The following UBE2E2 variants were observed in gnomAD, a reference collection of about 807,000 sequenced individuals.
The protein encoded by UBE2E2 is ubiquitin conjugating enzyme E2 E2.
Under a neutral mutation model 24.7 loss-of-function variants are expected in UBE2E2, and 6 were observed. The observed-to-expected ratio is 0.24, with a 90% confidence interval of 0.13 to 0.48. The LOEUF (loss-of-function observed/expected upper bound fraction) is 0.48. UBE2E2 is among the 20% of genes least tolerant of loss of function. The pLI, the probability that UBE2E2 is intolerant of heterozygous loss-of-function variation, is 0.99. For missense variants in UBE2E2, 169 were observed against 245.0 expected (o/e 0.69, Z 2.07); for synonymous variants, 104 against 83.6 (o/e 1.24, Z -1.33).
chr3:23,342,220 T>C (rs1695411514), intron 3 of UBE2E2, among the ~76,000 whole-genome samples: 1 of 151,974 alleles, frequency 6.6e-6, no homozygotes. Flanking sequence ...GGTCTTGTTT[T>C]GTTGCCCAGG....
intron 4 of UBE2E2, among the ~76,000 whole-genome samples, chr3:23,507,401 C>G (rs963852689): frequency 2.0e-5 from 3 of 152,214 alleles, no homozygotes; most frequent in African/African-American, 4.8e-5. Context: ...TCAATGAACA[C>G]AGAAACTTTG....
At chr3:23,429,835 A>G (rs1296196206) in intron 3 of UBE2E2, among the ~76,000 whole-genome samples, 1 of 152,230 alleles carries the variant, frequency 6.6e-6, no homozygotes, top group Admixed American at 6.5e-5. Flanking sequence ...AGTATACAAG[A>G]TTAATATACA....
chr3:23,226,746 C>G (rs531787189), intron 3 of UBE2E2, among the ~76,000 whole-genome samples: 1 of 152,040 alleles, frequency 6.6e-6, no homozygotes, highest in Non-Finnish European at 1.5e-5. Context: ...TTTGTTAGGA[C>G]TTTCTAGGAA....
In UBE2E2 at chr3:23,589,180, C is replaced by T. The variant is rs1234420182; in HGVS notation, c.509-554C>T. ...CCTGTAATCCCAGCACTTTGGGAGGCTGAGGCAGGAGGATAACTTGAGCCC... is the reference window on the plus strand; with the variant it reads ...CCTGTAATCCCAGCACTTTGGGAGGTTGAGGCAGGAGGATAACTTGAGCCC... On this transcript the variant is annotated intron_variant, in intron 5 of 5. Coordinates refer to ENST00000396703, the MANE Select transcript of UBE2E2 (RefSeq NM_152653.4). This position sits in a 1 kb window ranked among gnomAD's most constrained non-coding sequence, Gnocchi z 4.1. 3.3e-5 allele frequency among the ~76,000 whole-genome samples: 5 copies of T among 152,090 alleles called. No homozygotes were observed. The highest frequency in any genetic ancestry group is 4.4e-5 in the Non-Finnish European group (3 of 68,018).
intron 4 of UBE2E2, among the ~76,000 whole-genome samples, chr3:23,506,749 C>G (rs536191394): frequency 1.3e-3 from 201 of 152,230 alleles, no homozygotes; most frequent in African/African-American, 4.6e-3. Flanking sequence ...TCTTCCCACC[C>G]CAGCCTCCCA....
intron 5 of UBE2E2, among the ~76,000 whole-genome samples, chr3:23,563,612 AT>A (rs1695990850): frequency 6.6e-6 from 1 of 151,768 alleles, no homozygotes; most frequent in Non-Finnish European, 1.5e-5. Flanking sequence ...AAGTCATGTT[AT>A]TTTCTTTGAT....
In UBE2E2 at chr3:23,304,982, T is replaced by G. The variant is rs79095211; in HGVS notation, c.227+87670T>G. Among the ~76,000 whole-genome samples the G allele has an allele frequency of 1.8e-3, 279 of 152,294 alleles. 1 individual carries two copies. In the East Asian group the frequency reaches 0.029, roughly 16 times the overall value. On this transcript the variant is annotated intron_variant, in intron 3 of 5. Transcript: ENST00000396703. ...TGGCTCTCTGAAAGATTATGCAGAC[T>G]TTCCACATGTTGATACATTTCATTA...
chr3:23,389,385 T>A (rs972720614), intron 3 of UBE2E2, among the ~76,000 whole-genome samples: 2 of 152,174 alleles, frequency 1.3e-5, no homozygotes, highest in Admixed American at 6.5e-5. Context: ...TCTAGGGCTT[T>A]ATTACGAATG....
chr3:23,486,866 A>G (rs954711497), intron 3 of UBE2E2, among the ~76,000 whole-genome samples: 5 of 152,056 alleles, frequency 3.3e-5, no homozygotes, highest in African/African-American at 1.2e-4. Context: ...TGAAGTTCTC[A>G]CTCTAAGTTG....
chr3:23,397,804 G>A (rs957322477), intron 3 of UBE2E2, among the ~76,000 whole-genome samples: 3 of 151,930 alleles, frequency 2.0e-5, no homozygotes, highest in African/African-American at 7.3e-5. Flanking sequence ...GTTTTTTTAA[G>A]CTCCAGACTC....
intron 3 of UBE2E2, among the ~76,000 whole-genome samples, chr3:23,463,310 A>G (rs1055223261): frequency 3.3e-5 from 5 of 152,112 alleles, no homozygotes; most frequent in Admixed American, 2.0e-4. Context: ...TTTTTATTTA[A>G]ATCATATTAA....
intron 3 of UBE2E2, among the ~76,000 whole-genome samples, chr3:23,431,274 A>T (rs1698054362): frequency 6.6e-6 from 1 of 152,202 alleles, no homozygotes; most frequent in South Asian, 2.1e-4. Context: ...AGAAAGAAAA[A>T]GTCAGGAAGA....
chr3:23,519,397 C>G (rs1020901548), intron 4 of UBE2E2, among the ~76,000 whole-genome samples: 2 of 151,958 alleles, frequency 1.3e-5, no homozygotes, highest in African/African-American at 2.4e-5. Context: ...TAAAAGTACC[C>G]TTTTTTATTT....
intron 3 of UBE2E2, among the ~76,000 whole-genome samples, chr3:23,399,294 A>G (rs1697158051): frequency 1.3e-5 from 2 of 152,180 alleles, no homozygotes; most frequent in South Asian, 4.1e-4. Context: ...CTTTGGGGCT[A>G]TTATTAAATA....
intron 4 of UBE2E2, 107 bp from the exon 5 acceptor site, chr3:23,532,447 G>C: frequency 2.1e-6 from 2 of 959,026 alleles, no homozygotes; most frequent in South Asian, 7.2e-5. Context: ...CAATAGCCTG[G>C]GCTATTTTGT....
intron 3 of UBE2E2, among the ~76,000 whole-genome samples, chr3:23,263,369 T>TA (rs1012416076): frequency 3.3e-5 from 5 of 152,256 alleles, no homozygotes; most frequent in African/African-American, 1.2e-4. Flanking sequence ...AGTTGAACTT[T>TA]AAAAGTAATT....
chr3:23,333,111 G>C (rs946884415), intron 3 of UBE2E2, among the ~76,000 whole-genome samples: 1 of 152,062 alleles, frequency 6.6e-6, no homozygotes, highest in Non-Finnish European at 1.5e-5. Context: ...CATAATTTCA[G>C]CCTTAATCTG....
chr3:23,254,698 G>T lies in UBE2E2; in HGVS notation c.227+37386G>T, dbSNP rs151127607. ...GGGATTATATGGAAAGGGTTTGGGG[G>T]TGTTTGATCCTGGCTGGGGAGGAGT... On this transcript the variant is annotated intron_variant, in intron 3 of 5. Transcript: ENST00000396703. Among the ~76,000 whole-genome samples the T allele has an allele frequency of 5.5e-4, 84 of 152,264 alleles. No homozygotes were observed. In the East Asian group the frequency reaches 0.014, roughly 26 times the overall value.
Position 23,209,431 on chromosome 3 carries a change from A to AC in UBE2E2, c.176+557dup, listed in dbSNP as rs753785727. 6.6e-5 allele frequency among the ~76,000 whole-genome samples: 10 copies of AC among 152,300 alleles called. No homozygotes were observed. In the South Asian group the frequency reaches 2.1e-3, roughly 32 times the overall value. ...GGTATTTGAATGATTTTCTGTTGGTACTCAATCTCTTAAAATGATTGGCAT... is the reference window on the plus strand; with the variant it reads ...GGTATTTGAATGATTTTCTGTTGGTACCTCAATCTCTTAAAATGATTGGCAT... On this transcript the variant is annotated intron_variant, in intron 2 of 5. Transcript: ENST00000396703.
Sources: allele counts gnomAD v4.1 joint callset (sites outside exome capture counted in the v4.1 genomes callset), GRCh38; gene constraint gnomAD v4.1.1; non-coding constraint Gnocchi (gnomAD v3.1); transcripts MANE v1.5; gene names NCBI Gene and HGNC (gene_info 2026-07-23, HGNC 2026-07-21).